The following FGF1 variants were observed in gnomAD, a reference collection of about 807,000 sequenced individuals.
FGF1 encodes beta-endothelial cell growth factor.
FGF1 carries 9 observed loss-of-function variants against 13.4 expected under a neutral mutation model. The observed-to-expected ratio is 0.67, with a 90% CI of 0.40 to 1.17. The LOEUF (loss-of-function observed/expected upper bound fraction) is 1.17. Ranked by LOEUF, FGF1 falls within the 50% of genes most tolerant of loss-of-function variation. The pLI, the probability that FGF1 is intolerant of heterozygous loss-of-function variation, is 0.01. For synonymous variants in FGF1, 93 were observed against 79.0 expected (o/e 1.18, Z -0.94); for missense variants, 156 against 192.7 (o/e 0.81, Z 1.13).
intron 1 of FGF1, among the ~76,000 whole-genome samples, chr5:142,678,742 T>C (rs1773136268): frequency 6.6e-6 from 1 of 152,200 alleles, no homozygotes; most frequent in Non-Finnish European, 1.5e-5. Flanking sequence ...TTATAAGACC[T>C]TTCTGTGTCC....
Position 142,600,877 on chromosome 5 carries a change from C to T in FGF1, c.170-72G>A, listed in dbSNP as rs115029962. 8.5e-3 allele frequency: 9,423 copies of T among 1,109,350 alleles called. 77 individuals are homozygous for T. Among genetic ancestry groups the T allele is most frequent in the Non-Finnish European group, 0.01 (7,800 of 743,014 alleles). The allele number at this position is 1,109,350 out of a possible 1,614,324, so 68.7% of individuals were successfully genotyped here. A position where few individuals can be genotyped will look rare whatever the true frequency, so the allele number is the denominator to read the frequency against. Reference sequence around the variant, plus strand: ...TGCCGATAGGACCCGGCAGCCAGGACAGTTGGCCATGGAAAATTCTGCTCA... The same window carrying T: ...TGCCGATAGGACCCGGCAGCCAGGATAGTTGGCCATGGAAAATTCTGCTCA... On this transcript the variant is annotated intron_variant, in intron 2 of 3. Transcript: ENST00000337706.
At position 142,683,834 on chromosome 5, in the gene FGF1, A is replaced by G. The variant is rs968653197; in HGVS notation, c.-35+2123T>C. 3.2e-4 allele frequency among the ~76,000 whole-genome samples: 47 copies of G among 145,004 alleles called. No individual in the cohort carries two copies. In the Admixed American group the frequency reaches 3.3e-3, roughly 10 times the overall value. On this transcript the variant is annotated intron_variant, in intron 1 of 3. Transcript: ENST00000337706. The stretch of plus-strand genomic sequence containing the variant: ...GAAACTCTGTCTCAAAAAAAAAAAA[A>G]AAAAAAAAAGGAAAAGAAAATTAAT...
At chr5:142,615,421 A>G (rs896871611) in intron 1 of FGF1, among the ~76,000 whole-genome samples, 3 of 152,096 alleles carry the variant, frequency 2.0e-5, no homozygotes, top group Non-Finnish European at 4.4e-5. Flanking sequence ...ATGGGGTTTC[A>G]CCATGTTGGC....
At chr5:142,619,314 A>G (rs1342294744) in intron 1 of FGF1, among the ~76,000 whole-genome samples, 1 of 152,144 alleles carries the variant, frequency 6.6e-6, no homozygotes, top group Non-Finnish European at 1.5e-5. Flanking sequence ...GAGTATATAA[A>G]GCCACTGAAG....
At chr5:142,657,103 G>A in intron 1 of FGF1, among the ~76,000 whole-genome samples, 1 of 152,066 alleles carries the variant, frequency 6.6e-6, no homozygotes, top group Non-Finnish European at 1.5e-5. Context: ...TTTTAGTAGA[G>A]ATGGGGTTTC....
At chr5:142,660,587 A>T (rs1211129933) in intron 1 of FGF1, among the ~76,000 whole-genome samples, 1 of 152,068 alleles carries the variant, frequency 6.6e-6, no homozygotes, top group Non-Finnish European at 1.5e-5. Flanking sequence ...TGTAACGCAC[A>T]CCCACTCGCC....
chr5:142,694,056 C>T (rs186112232), intron 2 of FGF1, among the ~76,000 whole-genome samples: 18 of 151,530 alleles, frequency 1.2e-4, no homozygotes, highest in Admixed American at 2.6e-4. Flanking sequence ...AAGATTTACC[C>T]GAAGAATTTA....
chr5:142,681,320 G>A (rs1038737762), intron 1 of FGF1, among the ~76,000 whole-genome samples: 14 of 152,112 alleles, frequency 9.2e-5, no homozygotes, highest in African/African-American at 3.1e-4. Flanking sequence ...CATGACCTCT[G>A]GCCTTAGGCT....
At chr5:142,607,780 A>ATAGAGATGGGCTTACTGTGC (rs1758015229) in intron 2 of FGF1, among the ~76,000 whole-genome samples, 1 of 152,148 alleles carries the variant, frequency 6.6e-6, no homozygotes, top group Non-Finnish European at 1.5e-5. Context: ...TTTGTGGGTC[A>ATAGAGATGGGCTTACTGTGC]TGGTCTTCCT....
At chr5:142,628,732 G>A (rs1441729897) in intron 1 of FGF1, among the ~76,000 whole-genome samples, 2 of 152,136 alleles carry the variant, frequency 1.3e-5, no homozygotes, top group Non-Finnish European at 2.9e-5. Flanking sequence ...GTCATGTTTA[G>A]AGATTAAAGA....
intron 1 of FGF1, among the ~76,000 whole-genome samples, chr5:142,660,571 C>G (rs530985309): frequency 2.9e-4 from 44 of 152,352 alleles, no homozygotes; most frequent in African/African-American, 1.0e-3. Flanking sequence ...CAGCAGAAAT[C>G]TGGAGTGTAA....
Position 142,595,256 on chromosome 5 carries a change from T to C in FGF1, c.*34A>G. The C allele has an allele frequency of 6.3e-7, 1 of 1,594,456 alleles. No homozygotes were observed. Among genetic ancestry groups the C allele is most frequent in the Non-Finnish European group, 8.6e-7 (1 of 1,168,136 alleles). On this transcript the variant is annotated 3_prime_UTR_variant, in exon 4 of 4. Transcript: ENST00000337706. Reference sequence around the variant, plus strand: ...AACCAGGTGAGGACCCCTCGAAACTTCTCTGGAGTGGTCAACACCCAGAAC... The same window carrying C: ...AACCAGGTGAGGACCCCTCGAAACTCCTCTGGAGTGGTCAACACCCAGAAC...
chr5:142,666,778 T>C (rs1770462222), intron 1 of FGF1, among the ~76,000 whole-genome samples: 1 of 150,710 alleles, frequency 6.6e-6, no homozygotes, highest in Non-Finnish European at 1.5e-5. Context: ...TCTCTACATT[T>C]TTTTTTTAAT....
intron 2 of FGF1, among the ~76,000 whole-genome samples, chr5:142,694,088 AATCTATCT>A (rs35496779): frequency 0.11 from 16,031 of 140,378 alleles, 967 homozygotes; most frequent in Non-Finnish European, 0.12. Flanking sequence ...ATCTATCTAT[AATCTATCT>A]ATCTATCTAT....
chr5:142,608,536 ACACATC>A (rs1758219217), intron 2 of FGF1, among the ~76,000 whole-genome samples: 2 of 116,604 alleles, frequency 1.7e-5, no homozygotes, highest in Non-Finnish European at 3.5e-5. Flanking sequence ...AAATATATAT[ACACATC>A]TATATATATA....
chr5:142,610,286 C>A (rs1202579646), intron 2 of FGF1, among the ~76,000 whole-genome samples: 2 of 152,138 alleles, frequency 1.3e-5, no homozygotes, highest in Non-Finnish European at 1.5e-5. Flanking sequence ...GTTTACTGGA[C>A]ATTTTACCAA....
intron 2 of FGF1, among the ~76,000 whole-genome samples, chr5:142,692,687 A>ACACACACACACACACACGCACACACGCG (rs1752424025): frequency 1.4e-5 from 2 of 141,148 alleles, no homozygotes; most frequent in African/African-American, 6.2e-5. Flanking sequence ...GCACACACGC[A>ACACACACACACACACACGCACACACGCG]CACACACACA....
Position 142,600,753 on chromosome 5 carries a change from G to A in FGF1, c.222C>T (p.Thr74=), listed in dbSNP as rs991134822. ...ESVGEVYIKS[T]ETGQYLAMDT... ...CCATGGCCAAGTACTGGCCAGTCTC[G>A]GTACTCTTTATATACACCTCCCCCA... Residue 74 remains threonine (T), a synonymous_variant, in exon 3 of 4, where the codon ACC becomes ACT. Coordinates refer to ENST00000337706, the MANE Select transcript of FGF1 (RefSeq NM_000800.5). 13 of 1,613,878 alleles carry A rather than the reference G, an allele frequency of 8.1e-6. No homozygotes were observed. In the East Asian group the frequency reaches 1.3e-4, roughly 17 times the overall value.
intron 1 of FGF1, among the ~76,000 whole-genome samples, chr5:142,662,275 C>T (rs1342584783): frequency 6.6e-6 from 1 of 152,166 alleles, no homozygotes; most frequent in African/African-American, 2.4e-5. Context: ...TGAATTATAT[C>T]TCAAGCCGTT....
Sources: gnomAD v4.1 joint callset for allele counts (sites outside exome capture counted in the v4.1 genomes callset) on GRCh38, gnomAD v4.1.1 for gene constraint, MANE v1.5 for transcripts, NCBI Gene and HGNC (gene_info 2026-07-23, HGNC 2026-07-21) for gene names.